Variants in EXT1 observed in about 807,000 individuals in gnomAD.
EXT1 encodes exostosin glycosyltransferase 1, also known as exostosin-1.
A neutral mutation model predicts 82.5 loss-of-function variants in EXT1; 20 were observed. The ratio of observed to expected loss-of-function variants is 0.24; its 90% CI spans 0.17 to 0.35. The LOEUF (loss-of-function observed/expected upper bound fraction) is 0.35. EXT1 is among the 10% of genes least tolerant of loss of function. EXT1 has a pLI of 1.00. For synonymous variants in EXT1, 348 were observed against 350.8 expected (o/e 0.99, Z 0.09); for missense variants, 757 against 936.5 (o/e 0.81, Z 2.50).
At chr8:118,014,697 C>T (rs1160486843) in intron 1 of EXT1, among the ~76,000 whole-genome samples, 2 of 152,076 alleles carry the variant, frequency 1.3e-5, no homozygotes, top group Non-Finnish European at 2.9e-5. Flanking sequence ...GCCTCAGCCC[C>T]GAAAGTGCTG....
rs1019508717 is a variant in EXT1, at chr8:117,796,130, G to A, written c.*3582C>T. 1 of 152,158 alleles carries A rather than the reference G, an allele frequency of 6.6e-6. No homozygotes were observed. Among genetic ancestry groups the A allele is most frequent in the Non-Finnish European group, 1.5e-5 (1 of 68,042 alleles). 9.4% of individuals were successfully genotyped at this position (152,158 alleles called of 1,614,324 possible). A position where few individuals can be genotyped will look rare whatever the true frequency, so the allele number is the denominator to read the frequency against. On this transcript the variant is annotated 3_prime_UTR_variant, in exon 11 of 11. Transcript: ENST00000378204. ...GATTATATTCACAAGTAAGAGGCAG[G>A]AGCATTTTTATTTGAGAGTTCATGG...
intron 4 of EXT1, among the ~76,000 whole-genome samples, chr8:117,826,767 T>C (rs1812014134): frequency 1.3e-5 from 2 of 152,190 alleles, no homozygotes; most frequent in Admixed American, 1.3e-4. Context: ...ATGAAGTGTA[T>C]GGTTTTTAGT....
chr8:117,982,124 A>G (rs998443652), intron 1 of EXT1, among the ~76,000 whole-genome samples: 1 of 152,174 alleles, frequency 6.6e-6, no homozygotes, highest in African/African-American at 2.4e-5. Flanking sequence ...CTGGGGACAT[A>G]GTGTGGCTGC....
intron 1 of EXT1, among the ~76,000 whole-genome samples, chr8:117,941,029 T>C (rs564456599): frequency 1.4e-4 from 21 of 152,328 alleles, no homozygotes; most frequent in Admixed American, 4.6e-4. Flanking sequence ...TAGACCCACA[T>C]CCTTCCCCAG....
At chr8:117,966,947 T>A (rs1814823845) in intron 1 of EXT1, among the ~76,000 whole-genome samples, 1 of 152,348 alleles carries the variant, frequency 6.6e-6, no homozygotes, top group African/African-American at 2.4e-5. Context: ...TTCTATTTCA[T>A]GCATAATTAC....
intron 1 of EXT1, among the ~76,000 whole-genome samples, chr8:118,066,238 A>G (rs1265746168): frequency 1.3e-5 from 2 of 152,204 alleles, no homozygotes; most frequent in East Asian, 3.8e-4. Flanking sequence ...ACAATGAGGA[A>G]GAAGCCCTTC....
chr8:117,862,734 A>G (rs1439702277), intron 1 of EXT1, among the ~76,000 whole-genome samples: 2 of 145,688 alleles, frequency 1.4e-5, no homozygotes, highest in African/African-American at 2.4e-5. Context: ...ACAGGGAACT[A>G]AACAGGTGGG....
At chr8:117,873,351 T>C (rs1184626342) in intron 1 of EXT1, among the ~76,000 whole-genome samples, 2 of 152,144 alleles carry the variant, frequency 1.3e-5, no homozygotes, top group African/African-American at 4.8e-5. Flanking sequence ...GCAAACTTCT[T>C]TCTGACAACG....
intron 1 of EXT1, among the ~76,000 whole-genome samples, chr8:118,062,166 T>C (rs1161781001): frequency 6.6e-6 from 1 of 152,154 alleles, no homozygotes; most frequent in Non-Finnish European, 1.5e-5. Flanking sequence ...GTCATTATGG[T>C]TTCTGCCTCT....
At chr8:118,034,973 G>T (rs1455259135) in intron 1 of EXT1, among the ~76,000 whole-genome samples, 2 of 152,120 alleles carry the variant, frequency 1.3e-5, no homozygotes, top group African/African-American at 4.8e-5. Flanking sequence ...TAATTAAAAA[G>T]CTAAATTAGA....
At chr8:117,845,668 G>A (rs1019335538) in intron 1 of EXT1, among the ~76,000 whole-genome samples, 1 of 151,816 alleles carries the variant, frequency 6.6e-6, no homozygotes, top group Non-Finnish European at 1.5e-5. Flanking sequence ...GGCTGGTCTT[G>A]AACTCCTGGC....
chr8:118,051,635 AT>A (rs1816718564), intron 1 of EXT1, among the ~76,000 whole-genome samples: 1 of 151,938 alleles, frequency 6.6e-6, no homozygotes, highest in Non-Finnish European at 1.5e-5. Context: ...TGATTTACTA[AT>A]TTTAGAGTAT....
At position 117,795,710 on chromosome 8, in the gene EXT1, T is replaced by C. The variant is rs1277301532; in HGVS notation, c.*4002A>G. The C allele has an allele frequency of 6.6e-6, 1 of 152,074 alleles. No homozygotes were observed. Among genetic ancestry groups the C allele is most frequent in the Non-Finnish European group, 1.5e-5 (1 of 68,114 alleles). The allele number at this position is 152,074 out of a possible 1,614,324, so 9.4% of individuals were successfully genotyped here. A position where few individuals can be genotyped will look rare whatever the true frequency, so the allele number is the denominator to read the frequency against. On this transcript the variant is annotated 3_prime_UTR_variant, in exon 11 of 11. Transcript: ENST00000378204. Reference sequence around the variant, plus strand: ...TACTAAGCAGGGTGAGGCAGGAGAATTGCTTGAACCGGGGAGGCGGAGGTT... The same window carrying C: ...TACTAAGCAGGGTGAGGCAGGAGAACTGCTTGAACCGGGGAGGCGGAGGTT...
At chr8:117,840,926 T>C (rs932746633) in intron 1 of EXT1, among the ~76,000 whole-genome samples, 3 of 152,168 alleles carry the variant, frequency 2.0e-5, no homozygotes, top group Admixed American at 6.5e-5. Context: ...CAAGTGCTGA[T>C]GAGGATGTAA....
intron 1 of EXT1, among the ~76,000 whole-genome samples, chr8:117,976,739 T>C (rs372896885): frequency 6.6e-6 from 1 of 152,216 alleles, no homozygotes; most frequent in Non-Finnish European, 1.5e-5. Flanking sequence ...TAATGAAATT[T>C]TAAATAAATA....
intron 1 of EXT1, among the ~76,000 whole-genome samples, chr8:117,923,489 G>A (rs565000726): frequency 6.3e-4 from 95 of 151,918 alleles, no homozygotes; most frequent in African/African-American, 1.4e-3. Flanking sequence ...AGGCCAAGGC[G>A]GGCAGATCAC....
At chr8:117,867,935 T>C (rs1266120075) in intron 1 of EXT1, among the ~76,000 whole-genome samples, 1 of 152,168 alleles carries the variant, frequency 6.6e-6, no homozygotes, top group Non-Finnish European at 1.5e-5. Context: ...CCTGAGAAAC[T>C]TGGGCTCAAT....
chr8:118,017,069 T>A (rs1344951321), intron 1 of EXT1, among the ~76,000 whole-genome samples: 1 of 152,248 alleles, frequency 6.6e-6, no homozygotes, highest in Non-Finnish European at 1.5e-5. Flanking sequence ...TAGCATCTTG[T>A]TCTCCCAGAC....
chr8:118,056,151 T>G (rs1816790735), intron 1 of EXT1, among the ~76,000 whole-genome samples: 1 of 152,234 alleles, frequency 6.6e-6, no homozygotes, highest in African/African-American at 2.4e-5. Flanking sequence ...TTCAAAGCCA[T>G]TCTGTGCTGC....
Sources: allele counts gnomAD v4.1 joint callset (sites outside exome capture counted in the v4.1 genomes callset), GRCh38; gene constraint gnomAD v4.1.1; transcripts MANE v1.5; gene names NCBI Gene and HGNC (gene_info 2026-07-23, HGNC 2026-07-21).